The following BHMT variants were observed in gnomAD, a reference collection of about 807,000 sequenced individuals.
BHMT encodes betaine--homocysteine S-methyltransferase.
BHMT carries 38 observed loss-of-function variants against 49.5 expected under a neutral mutation model. The observed-to-expected ratio is 0.77, with a 90% CI of 0.59 to 1.01. BHMT has a LOEUF of 1.01. BHMT is among the 50% of genes least tolerant of loss of function. The probability of loss-of-function intolerance (pLI) is 0.00; values close to 1 mark genes in which losing one functional copy is unlikely to be tolerated. For synonymous variants in BHMT, 166 were observed against 176.3 expected (o/e 0.94, Z 0.46); for missense variants, 426 against 495.7 (o/e 0.86, Z 1.34).
chr5:79,115,772 C>A lies in BHMT; in HGVS notation c.39C>A (p.Ile13=), dbSNP rs1221000004. The A allele has an allele frequency of 6.2e-7, 1 of 1,609,454 alleles. No homozygotes were observed. Among genetic ancestry groups the A allele is most frequent in the Non-Finnish European group, 8.5e-7 (1 of 1,177,638 alleles). The part of the protein sequence containing the change: ...PVGGKKAKKG[I]LERLNAGEIV... Reference sequence around the variant, plus strand: ...TCCCTCATCTGTAATTTTAGGGCATCCTAGAACGTTTAAATGCTGGAGAGA... The same window carrying A: ...TCCCTCATCTGTAATTTTAGGGCATACTAGAACGTTTAAATGCTGGAGAGA... Residue 13 remains isoleucine (I), a synonymous_variant, in exon 2 of 8, where the codon ATC becomes ATA. Transcript: ENST00000274353.
intron 5 of BHMT, among the ~76,000 whole-genome samples, chr5:79,124,669 A>T (rs1756520893): frequency 1.3e-5 from 2 of 152,354 alleles, no homozygotes; most frequent in South Asian, 4.1e-4. Context: ...TTTTTGAAGA[A>T]AATGAAATAT....
chr5:79,119,176 T>C lies in BHMT; in HGVS notation c.167-83T>C. 2.7e-6 allele frequency: 3 copies of C among 1,091,724 alleles called. No homozygotes were observed. In the East Asian group the frequency reaches 7.3e-5, roughly 26 times the overall value. The allele number at this position is 1,091,724 out of a possible 1,614,324, so 67.6% of individuals were successfully genotyped here. A position where few individuals can be genotyped will look rare whatever the true frequency, so the allele number is the denominator to read the frequency against. ...CAACCAGAAATTCAAGCAGTTGTTT[T>C]CCTGCTTGTTTATCTGAGAGCCATT... is the stretch of plus-strand genomic sequence containing the variant. On this transcript the variant is annotated intron_variant, in intron 2 of 7. Transcript: ENST00000274353.
In BHMT at chr5:79,131,111, C is replaced by T; in HGVS notation, c.1216C>T (p.Gln406Ter). 1 of 1,611,712 alleles carries T rather than the reference C, an allele frequency of 6.2e-7. No individual in the cohort carries two copies. The highest frequency in any genetic ancestry group is 8.5e-7 in the Non-Finnish European group (1 of 1,178,894). Reference protein sequence around the residue: ...ELFEKQKFKSQ With the variant: ...ELFEKQKFKS Reference sequence around the variant, plus strand: ...CTTTGAAAAACAAAAATTCAAATCACAGTAGCCTCGATAGAAGCTATTTTT... The same window carrying T: ...CTTTGAAAAACAAAAATTCAAATCATAGTAGCCTCGATAGAAGCTATTTTT... Residue 406 changes from glutamine to a stop codon, truncating the protein, a stop_gained, in exon 8 of 8, where the codon CAG (glutamine) becomes TAG (stop). Coordinates refer to ENST00000274353, the MANE Select transcript of BHMT (RefSeq NM_001713.3). LOFTEE classifies it high-confidence loss of function.
At chr5:79,119,157 G>A (rs945754183) in intron 2 of BHMT, 102 bp from the exon 3 acceptor site, 1 of 941,902 alleles carries the variant, frequency 1.1e-6, no homozygotes, top group African/African-American at 1.7e-5. Context: ...CAAGCAACCA[G>A]AAATTCAAGC....
chr5:79,117,240 AG>A (rs1481745436), intron 2 of BHMT, among the ~76,000 whole-genome samples: 1 of 152,188 alleles, frequency 6.6e-6, no homozygotes, highest in Non-Finnish European at 1.5e-5. Context: ...ACACATTTCC[AG>A]GGTTTTTTTC....
rs1348562674 is a variant in BHMT at position 79,121,346 on chromosome 5, A to T, written c.606A>T (p.Ala202=). The change falls in exon 5 of 8, where the codon GCA becomes GCT. Residue 202 remains alanine (A), a synonymous_variant. Transcript: ENST00000274353. ...ATGGCGTGCCCCCCGGCGAGTGTGC[A>T]GTGCGCCTGGTGAAAGCAGGTGATG... ...DLHGVPPGEC[A]VRLVKAGASI... 1.2e-6 allele frequency: 2 copies of T among 1,614,056 alleles called. No individual in the cohort carries two copies. The highest frequency in any genetic ancestry group is 1.7e-6 in the Non-Finnish European group (2 of 1,180,002).
At position 79,120,537 on chromosome 5, in the gene BHMT, C is replaced by G; in HGVS notation, c.473C>G (p.Ala158Gly). The change falls in exon 4 of 8, where the codon GCA (alanine) becomes GGA (glycine). Residue 158 changes from alanine (A) to glycine (G), a missense_variant. Around this residue, in one of 3 missense-constraint regions of BHMT, gnomAD observed 321 missense variants for 355.9 expected, o/e 0.90. Coordinates refer to ENST00000274353, the MANE Select transcript of BHMT (RefSeq NM_001713.3). ...AAGAAGAACGTGGACTTCTTGATTG[C>G]AGAGGTAAAGAAAGATGTGGTGAAA... ...FMKKNVDFLI[A>G]EYFEHVEEAV... is the part of the protein sequence containing the mutation. 1 of 1,607,464 alleles carries G rather than the reference C, an allele frequency of 6.2e-7. No homozygotes were observed. Among genetic ancestry groups the G allele is most frequent in the Non-Finnish European group, 8.5e-7 (1 of 1,178,010 alleles).
chr5:79,117,407 A>G (rs896116117), intron 2 of BHMT, among the ~76,000 whole-genome samples: 2 of 152,080 alleles, frequency 1.3e-5, no homozygotes, highest in African/African-American at 4.8e-5. Flanking sequence ...GGAACTCCCT[A>G]TATTTTTCAT....
At chr5:79,118,828 G>A (rs574669092) in intron 2 of BHMT, among the ~76,000 whole-genome samples, 3 of 152,084 alleles carry the variant, frequency 2.0e-5, no homozygotes, top group South Asian at 2.1e-4. Flanking sequence ...GACCTCCTTC[G>A]CCCCCTTGCC....
At chr5:79,126,318 T>G in intron 6 of BHMT, 90 bp downstream of exon 6, 1 of 1,448,918 alleles carries the variant, frequency 6.9e-7, no homozygotes, top group South Asian at 1.2e-5. Context: ...TCTTTTGTCA[T>G]AGTGAAGAGA....
intron 1 of BHMT, among the ~76,000 whole-genome samples, chr5:79,114,108 T>C (rs1165910678): frequency 2.0e-5 from 3 of 147,408 alleles, no homozygotes; most frequent in Non-Finnish European, 4.5e-5. Context: ...TATATTTATA[T>C]ATATGTATAC....
chr5:79,122,997 C>T (rs1324073817), intron 5 of BHMT, among the ~76,000 whole-genome samples: 1 of 152,106 alleles, frequency 6.6e-6, no homozygotes, highest in African/African-American at 2.4e-5. Context: ...GAGGAGGAGA[C>T]AGCACAGAAC....
chr5:79,115,006 C>A (rs1220951268), intron 1 of BHMT, among the ~76,000 whole-genome samples: 1 of 152,152 alleles, frequency 6.6e-6, no homozygotes, highest in African/African-American at 2.4e-5. Context: ...AAAAATCATT[C>A]AACAAATACT....
intron 4 of BHMT, 122 bp downstream of exon 4, chr5:79,120,663 T>C: frequency 1.0e-6 from 1 of 952,378 alleles, no homozygotes; most frequent in Non-Finnish European, 1.4e-6. Flanking sequence ...AATATTTAGT[T>C]TTTGAAATCG....
chr5:79,115,976 A>C, intron 2 of BHMT, 77 bp downstream of exon 2: 5 of 1,439,872 alleles, frequency 3.5e-6, no homozygotes, highest in Non-Finnish European at 4.6e-6. Context: ...CCAGCAACTC[A>C]GGAGGCTGAG....
rs1245829208 is a variant in BHMT, at chr5:79,131,048, CAGAA to C, written c.1158_1161del (p.Glu387ProfsTer7). 2 of 1,613,662 alleles carry C rather than the reference CAGAA, an allele frequency of 1.2e-6. No individual in the cohort carries two copies. Among genetic ancestry groups the C allele is most frequent in the Non-Finnish European group, 1.7e-6 (2 of 1,179,930 alleles). On this transcript the variant is annotated frameshift_variant, in exon 8 of 8. Coordinates refer to ENST00000274353, the MANE Select transcript of BHMT (RefSeq NM_001713.3). LOFTEE classifies it high-confidence loss of function. ...CAAAGGAACAGCCGAGCTGATGCAG[CAGAA>C]AGAAGCCACAACTGAGCAGCAGCTG...
At position 79,132,088 on chromosome 5, in the gene BHMT, T is replaced by A. The variant is rs1469824546; in HGVS notation, c.*972T>A. 1 of 152,196 alleles carries A rather than the reference T, an allele frequency of 6.6e-6. No homozygotes were observed. Among genetic ancestry groups the A allele is most frequent in the East Asian group, 1.9e-4 (1 of 5,196 alleles). The allele number at this position is 152,196 out of a possible 1,614,324, so 9.4% of individuals were successfully genotyped here. ...TAGCCTGGTTTCCTAGATTGAGAAC[T>A]ATGATATTTTTCTCTGATAATTTAA... On this transcript the variant is annotated 3_prime_UTR_variant, in exon 8 of 8. Transcript: ENST00000274353.
chr5:79,129,083 G>A (rs1320554276), intron 7 of BHMT, among the ~76,000 whole-genome samples: 1 of 152,222 alleles, frequency 6.6e-6, no homozygotes, highest in African/African-American at 2.4e-5. Flanking sequence ...GTGGAGGACA[G>A]GTGCTCCAAG....
At chr5:79,120,186 T>C (rs1376104797) in intron 3 of BHMT, 164 bp from the exon 4 acceptor site, 1 of 595,212 alleles carries the variant, frequency 1.7e-6, no homozygotes, top group Non-Finnish European at 2.8e-6. Flanking sequence ...GTTATTGTTA[T>C]GGCAAACTGT....
Sources: gnomAD v4.1 joint callset for allele counts (sites outside exome capture counted in the v4.1 genomes callset) on GRCh38, gnomAD v4.1.1 for gene constraint, gnomAD v4.1.1 regional missense constraint, MANE v1.5 for transcripts, NCBI Gene and HGNC (gene_info 2026-07-23, HGNC 2026-07-21) for gene names.